PPIG: variants seen among roughly 807,000 people sequenced by gnomAD.
The protein encoded by PPIG is peptidyl-prolyl cis-trans isomerase G.
PPIG carries 26 observed loss-of-function variants against 87.9 expected under a neutral mutation model. The ratio of observed to expected loss-of-function variants is 0.30; its 90% CI spans 0.22 to 0.41. The LOEUF (loss-of-function observed/expected upper bound fraction) is 0.41. PPIG is among the 10% of genes least tolerant of loss of function. The pLI is 1.00. For missense variants in PPIG, 722 were observed against 879.4 expected (o/e 0.82, Z 2.26); for synonymous variants, 308 against 276.5 (o/e 1.11, Z -1.13).
In PPIG at chr2:169,639,529, A is replaced by G. The variant is rs1311405909; in HGVS notation, c.*2006A>G. Reference sequence around the variant, plus strand: ...TCCAAATCTTAGAGTTTCAAAAAGTAACCATAGGGAAAAAAATTGTAGTAA... The same window carrying G: ...TCCAAATCTTAGAGTTTCAAAAAGTGACCATAGGGAAAAAAATTGTAGTAA... On this transcript the variant is annotated 3_prime_UTR_variant, in exon 14 of 14. Transcript: ENST00000260970. 1 of 152,112 alleles carries G rather than the reference A, an allele frequency of 6.6e-6. No individual in the cohort carries two copies. Among genetic ancestry groups the G allele is most frequent in the Non-Finnish European group, 1.5e-5 (1 of 67,962 alleles). 9.4% of individuals were successfully genotyped at this position (152,112 alleles called of 1,614,324 possible).
At chr2:169,615,781 A>G (rs1685594873) in intron 9 of PPIG, among the ~76,000 whole-genome samples, 1 of 152,244 alleles carries the variant, frequency 6.6e-6, no homozygotes, top group Admixed American at 6.5e-5. Flanking sequence ...TCTCTTCAAC[A>G]CACTGATCTC....
At chr2:169,589,187 G>A (rs1396435089) in intron 1 of PPIG, among the ~76,000 whole-genome samples, 1 of 152,102 alleles carries the variant, frequency 6.6e-6, no homozygotes, top group East Asian at 1.9e-4. Flanking sequence ...GAGGATTTAA[G>A]AATTTCAGAA....
chr2:169,637,387 AG>A lies in PPIG; in HGVS notation c.2131del (p.Asp711MetfsTer46). On this transcript the variant is annotated frameshift_variant, in exon 14 of 14. Transcript: ENST00000260970. LOFTEE classifies it high-confidence loss of function. ...ELKSSMLKNK[E>X]DEKIRSSVEK... Reference sequence around the variant, plus strand: ...AAGTCCTCCATGTTGAAAAATAAGGAGGATGAGAAGATCAGATCCTCAGTGG... The same window carrying A: ...AAGTCCTCCATGTTGAAAAATAAGGAGATGAGAAGATCAGATCCTCAGTGG... The A allele has an allele frequency of 6.2e-7, 1 of 1,612,908 alleles. No individual in the cohort carries two copies. Among genetic ancestry groups the A allele is most frequent in the Non-Finnish European group, 8.5e-7 (1 of 1,179,806 alleles).
rs530126872 is a variant in PPIG at position 169,628,480 on chromosome 2, G to T, written c.548-2294G>T. Among the ~76,000 whole-genome samples, 62 of 152,208 alleles carry T rather than the reference G, an allele frequency of 4.1e-4. 1 individual carries two copies. The highest frequency in any genetic ancestry group is 1.4e-3 in the African/African-American group (60 of 41,518). On this transcript the variant is annotated intron_variant, in intron 9 of 13. Transcript: ENST00000260970. ...TTCAGCCAGATTTTCATGTATCTTGGGTTTAGTATATTCCTGTAAATTATC... is the reference window on the plus strand; with the variant it reads ...TTCAGCCAGATTTTCATGTATCTTGTGTTTAGTATATTCCTGTAAATTATC...
chr2:169,616,974 G>T (rs1209233452), intron 9 of PPIG, among the ~76,000 whole-genome samples: 1 of 152,062 alleles, frequency 6.6e-6, no homozygotes, highest in African/African-American at 2.4e-5. Context: ...GGTTTTTATG[G>T]TTTTAGGTCT....
chr2:169,618,585 G>C (rs1041044689), intron 9 of PPIG, among the ~76,000 whole-genome samples: 2 of 152,062 alleles, frequency 1.3e-5, no homozygotes, highest in African/African-American at 4.8e-5. Context: ...GTCTTGGAAG[G>C]GTGTATGTGT....
At chr2:169,603,448 T>C (rs1685238221) in intron 1 of PPIG, among the ~76,000 whole-genome samples, 194 bp from the exon 2 acceptor site, 1 of 152,124 alleles carries the variant, frequency 6.6e-6, no homozygotes. Context: ...ATATGTAAAA[T>C]TGAATGTGCT....
At chr2:169,606,967 CTT>C (rs1250165252) in intron 5 of PPIG, 135 bp from the exon 6 acceptor site, 1 of 649,114 alleles carries the variant, frequency 1.5e-6, no homozygotes, top group Non-Finnish European at 2.7e-6. Flanking sequence ...ACATTAATAT[CTT>C]TTATGATTTG....
chr2:169,615,139 C>T (rs185485171), intron 9 of PPIG, among the ~76,000 whole-genome samples: 25 of 152,156 alleles, frequency 1.6e-4, no homozygotes, highest in African/African-American at 6.0e-4. Context: ...ACCTCCGTCT[C>T]CCGGGTTGAA....
intron 1 of PPIG, among the ~76,000 whole-genome samples, chr2:169,593,776 A>G (rs952468329): frequency 6.8e-6 from 1 of 146,742 alleles, no homozygotes; most frequent in Non-Finnish European, 1.5e-5. Flanking sequence ...CTCAGCCTCC[A>G]GGTGGGACTA....
rs377669585 is a variant in PPIG, at chr2:169,598,354, G to A, written c.-69-5288G>A. Among the ~76,000 whole-genome samples the A allele has an allele frequency of 2.2e-4, 33 of 151,828 alleles. No individual in the cohort carries two copies. The East Asian group carries it at 3.9e-3, about 18-fold the overall frequency. Reference sequence around the variant, plus strand: ...CGCCCAGGCTGGAGTGCAGTGGCGCGATCTTGGCCCACTGCAAGCTCTGCC... The same window carrying A: ...CGCCCAGGCTGGAGTGCAGTGGCGCAATCTTGGCCCACTGCAAGCTCTGCC... On this transcript the variant is annotated intron_variant, in intron 1 of 13. Coordinates refer to ENST00000260970, the MANE Select transcript of PPIG (RefSeq NM_004792.3).
At chr2:169,624,618 C>A (rs527541581) in intron 9 of PPIG, among the ~76,000 whole-genome samples, 1 of 151,914 alleles carries the variant, frequency 6.6e-6, no homozygotes, top group African/African-American at 2.4e-5. Flanking sequence ...GATGGAGTCT[C>A]GCTCTGTCAC....
intron 1 of PPIG, among the ~76,000 whole-genome samples, chr2:169,596,179 C>T (rs1685011456): frequency 6.6e-6 from 1 of 152,108 alleles, no homozygotes; most frequent in Non-Finnish European, 1.5e-5. Flanking sequence ...TGGCTCACTG[C>T]AACCTCTGTC....
intron 10 of PPIG, 112 bp from the exon 11 acceptor site, chr2:169,631,654 A>G (rs1686055043): frequency 6.5e-7 from 1 of 1,548,356 alleles, no homozygotes; most frequent in African/African-American, 1.4e-5. Context: ...TTTGGTAAGG[A>G]CAGGATGTTT....
chr2:169,616,888 T>C (rs1300117619), intron 9 of PPIG, among the ~76,000 whole-genome samples: 2 of 152,194 alleles, frequency 1.3e-5, no homozygotes, highest in Non-Finnish European at 2.9e-5. Flanking sequence ...TTTGTTGCCA[T>C]TGTTTTTGGT....
chr2:169,640,625 T>G lies in PPIG; in HGVS notation c.*3102T>G, dbSNP rs1686291647. ...GGGTGTTCTTCTGTTTCCTTTTGAT[T>G]ATGTTTACTGTAATTATTTCATTTT... On this transcript the variant is annotated 3_prime_UTR_variant, in exon 14 of 14. Coordinates refer to ENST00000260970, the MANE Select transcript of PPIG (RefSeq NM_004792.3). 1 of 152,222 alleles carries G rather than the reference T, an allele frequency of 6.6e-6. No individual in the cohort carries two copies. Among genetic ancestry groups the G allele is most frequent in the East Asian group, 1.9e-4 (1 of 5,202 alleles). The allele number at this position is 152,222 out of a possible 1,614,324, so 9.4% of individuals were successfully genotyped here.
chr2:169,609,814 C>T (rs943996618), intron 7 of PPIG, among the ~76,000 whole-genome samples: 4 of 152,128 alleles, frequency 2.6e-5, no homozygotes, highest in Admixed American at 1.3e-4. Context: ...CAAGAATCTT[C>T]TATTGATGCT....
rs1210137699 is a variant in PPIG, at chr2:169,631,787, T to C, written c.783T>C (p.Ala261=). Residue 261 remains alanine, a synonymous_variant, in exon 11 of 14, where the codon GCT becomes GCC. Coordinates refer to ENST00000260970, the MANE Select transcript of PPIG (RefSeq NM_004792.3). The part of the protein sequence containing the change: ...SKKSASSESE[A]ENLEAQPQST... ...TAAGTGCATCTAGTGAGAGTGAAGC[T>C]GAAAATCTTGAAGCACAACCCCAGT... is the stretch of plus-strand genomic sequence containing the variant. 5 of 1,613,788 alleles carry C rather than the reference T, an allele frequency of 3.1e-6. No homozygotes were observed. Among genetic ancestry groups the C allele is most frequent in the Non-Finnish European group, 3.4e-6 (4 of 1,179,818 alleles).
chr2:169,591,227 G>T (rs752979015), intron 1 of PPIG, among the ~76,000 whole-genome samples: 10 of 152,026 alleles, frequency 6.6e-5, no homozygotes, highest in Non-Finnish European at 1.2e-4. Context: ...GGATTAATAT[G>T]GAAAATAGTT....
Sources: gnomAD v4.1 joint callset for allele counts (sites outside exome capture counted in the v4.1 genomes callset) on GRCh38, gnomAD v4.1.1 for gene constraint, MANE v1.5 for transcripts, NCBI Gene and HGNC (gene_info 2026-07-23, HGNC 2026-07-21) for gene names.